STPG2: variants seen among roughly 807,000 people sequenced by gnomAD.
STPG2 encodes the protein sperm-tail PG-rich repeat-containing protein 2.
Under a neutral mutation model 54.2 loss-of-function variants are expected in STPG2, and 56 were observed. That is an observed-to-expected ratio of 1.03 (90% CI 0.83 to 1.29). The LOEUF is 1.29. Ranked by LOEUF, STPG2 falls within the 50% of genes most tolerant of loss-of-function variation. The pLI is 0.00. For missense variants in STPG2, 596 were observed against 544.9 expected, an observed-to-expected ratio of 1.09 and a Z score of -0.93; for synonymous variants, 200 against 181.8, an observed-to-expected ratio of 1.10 and a Z score of -0.81.
In STPG2 at chr4:98,019,590, G is replaced by C. The variant is rs540046132; in HGVS notation, c.613-38272C>G. Reference sequence around the variant, plus strand: ...TAGCTTGATGGGGATGGCATTGAATGTATAAATTACCTTGGGCAGTACGGC... The same window carrying C: ...TAGCTTGATGGGGATGGCATTGAATCTATAAATTACCTTGGGCAGTACGGC... On this transcript the variant is annotated intron_variant, in intron 5 of 10. Coordinates refer to ENST00000295268, the MANE Select transcript of STPG2 (RefSeq NM_174952.3). 1.1e-3 allele frequency among the ~76,000 whole-genome samples: 165 copies of C among 151,430 alleles called. 2 individuals carry two copies. Among genetic ancestry groups the C allele is most frequent in the African/African-American group, 1.6e-3 (68 of 41,232 alleles).
intron 5 of STPG2, among the ~76,000 whole-genome samples, chr4:98,040,493 T>C (rs1423030802): frequency 6.6e-6 from 1 of 151,746 alleles, no homozygotes; most frequent in Non-Finnish European, 1.5e-5. Flanking sequence ...GTTGATTTTT[T>C]TATATGGTGA....
At chr4:97,987,837 C>T (rs1219904824) in intron 5 of STPG2, among the ~76,000 whole-genome samples, 3 of 151,984 alleles carry the variant, frequency 2.0e-5, no homozygotes, top group Non-Finnish European at 4.4e-5. Context: ...CCATCTCTTA[C>T]CTGAATTATT....
chr4:97,713,281 T>C (rs759905715), intron 9 of STPG2, among the ~76,000 whole-genome samples: 1 of 152,188 alleles, frequency 6.6e-6, no homozygotes, highest in Non-Finnish European at 1.5e-5. Context: ...TCAAATGTAG[T>C]AAACAGATGG....
At chr4:97,838,669 C>T (rs1406582324) in intron 9 of STPG2, among the ~76,000 whole-genome samples, 3 of 151,380 alleles carry the variant, frequency 2.0e-5, no homozygotes, top group Non-Finnish European at 4.4e-5. Context: ...CAGAATACGG[C>T]ATGATATTAA....
intron 9 of STPG2, among the ~76,000 whole-genome samples, chr4:97,743,946 A>T (rs1725345487): frequency 6.6e-6 from 1 of 151,576 alleles, no homozygotes; most frequent in African/African-American, 2.4e-5. Flanking sequence ...TAAGGCATGT[A>T]GAGGATACAG....
intron 7 of STPG2, among the ~76,000 whole-genome samples, chr4:97,949,393 A>G (rs1025915112): frequency 3.3e-5 from 5 of 152,172 alleles, no homozygotes; most frequent in Non-Finnish European, 5.9e-5. Context: ...GTATATTTTA[A>G]GTGGACCATT....
At chr4:97,625,521 G>A (rs2148928046) in intron 10 of STPG2, among the ~76,000 whole-genome samples, 1 of 152,146 alleles carries the variant, frequency 6.6e-6, no homozygotes, top group South Asian at 2.1e-4. Flanking sequence ...CACCATATTG[G>A]TCAGGCTGGT....
intron 10 of STPG2, among the ~76,000 whole-genome samples, chr4:97,643,277 G>C (rs758422894): frequency 6.6e-6 from 1 of 151,420 alleles, no homozygotes; most frequent in African/African-American, 2.4e-5. Context: ...TTTTCTAACA[G>C]GCTATTTAAA....
At chr4:97,771,232 T>C (rs577534209) in intron 9 of STPG2, among the ~76,000 whole-genome samples, 1 of 152,248 alleles carries the variant, frequency 6.6e-6, no homozygotes, top group South Asian at 2.1e-4. Flanking sequence ...TCCAGAGGGA[T>C]AGGAAGCACA....
intron 10 of STPG2, among the ~76,000 whole-genome samples, chr4:97,593,322 C>A (rs1578411162): frequency 6.6e-6 from 1 of 152,276 alleles, no homozygotes. Flanking sequence ...CACTGCTTTG[C>A]CAGTGTACAT....
intron 5 of STPG2, among the ~76,000 whole-genome samples, chr4:98,009,990 T>C (rs1578776571): frequency 6.6e-6 from 1 of 152,054 alleles, no homozygotes; most frequent in East Asian, 1.9e-4. Context: ...TTGAGTCTCC[T>C]ATCATTTTTT....
chr4:97,787,422 AATTGC>A (rs1726860631), intron 9 of STPG2, among the ~76,000 whole-genome samples: 1 of 151,996 alleles, frequency 6.6e-6, no homozygotes, highest in Admixed American at 6.6e-5. Context: ...TAGTATGTTA[AATTGC>A]ATTGATTTAT....
chr4:97,978,330 TA>T (rs1228121964), intron 6 of STPG2, among the ~76,000 whole-genome samples: 2 of 151,968 alleles, frequency 1.3e-5, no homozygotes, highest in Non-Finnish European at 2.9e-5. Context: ...TATGCAGCAA[TA>T]AAAAAGAATG....
chr4:97,613,475 CGTGTGTGTGT>C (rs70953075), intron 10 of STPG2, among the ~76,000 whole-genome samples: 2,172 of 142,332 alleles, frequency 0.015, 20 homozygotes, highest in Non-Finnish European at 0.023. Flanking sequence ...AGTCATCACC[CGTGTGTGTGT>C]GTGTGTGTGT....
At chr4:97,732,228 C>T (rs1164207614) in intron 9 of STPG2, among the ~76,000 whole-genome samples, 1 of 152,188 alleles carries the variant, frequency 6.6e-6, no homozygotes, top group Non-Finnish European at 1.5e-5. Context: ...GGAGCTCTCC[C>T]TCCATCTCCT....
chr4:97,853,397 G>A (rs1729231861), intron 8 of STPG2, among the ~76,000 whole-genome samples: 1 of 152,080 alleles, frequency 6.6e-6, no homozygotes, highest in Non-Finnish European at 1.5e-5. Context: ...TGCACATTCT[G>A]CACATGTATC....
intron 5 of STPG2, among the ~76,000 whole-genome samples, chr4:98,079,051 C>T (rs7679961): frequency 0.4 from 60,158 of 151,864 alleles, 12,150 homozygotes; most frequent in Middle Eastern, 0.46. Context: ...ATGATTGGCC[C>T]ATGCCTAATT....
chr4:97,753,009 C>A (rs1306004864), intron 9 of STPG2, among the ~76,000 whole-genome samples: 1 of 151,856 alleles, frequency 6.6e-6, no homozygotes. Flanking sequence ...ACCATACTGA[C>A]TAGACTCACT....
At chr4:97,680,068 C>T (rs1304785840) in intron 10 of STPG2, among the ~76,000 whole-genome samples, 5 of 152,014 alleles carry the variant, frequency 3.3e-5, no homozygotes, top group Admixed American at 6.6e-5. Flanking sequence ...TGTGATGCCT[C>T]CAGCTTTGTT....
Sources: allele counts gnomAD v4.1 joint callset (sites outside exome capture counted in the v4.1 genomes callset), GRCh38; gene constraint gnomAD v4.1.1; transcripts MANE v1.5; gene names NCBI Gene and HGNC (gene_info 2026-07-23, HGNC 2026-07-21).